The following GALNT13 variants were observed in gnomAD, a reference collection of about 807,000 sequenced individuals.
GALNT13 encodes UDP-GalNAc:polypeptide N-acetylgalactosaminyltransferase 13.
GALNT13 carries 28 observed loss-of-function variants against 64.2 expected under a neutral mutation model. The ratio of observed to expected loss-of-function variants is 0.44; its 90% CI spans 0.32 to 0.60. GALNT13 has a LOEUF of 0.60. Ranked by LOEUF, GALNT13 falls within the 20% of genes least tolerant of loss-of-function variation. GALNT13 has a pLI of 0.05. For missense variants in GALNT13, 577 were observed against 669.8 expected (o/e 0.86, Z 1.53); for synonymous variants, 214 against 224.6 (o/e 0.95, Z 0.42).
rs1394736595 is a variant in GALNT13, at chr2:154,062,850, A to C, written c.143-77487A>C. Among the ~76,000 whole-genome samples, 5 of 68,316 alleles carry C rather than the reference A, an allele frequency of 7.3e-5. No individual in the cohort carries two copies. The East Asian group carries it at 7.9e-3, about 108-fold the overall frequency. The allele number at this position is 68,316 out of a possible 152,430, so 44.8% of individuals were successfully genotyped here. ...TTCAGGATATTTAATTCAACATGGA[A>C]TGTTTTTTTTTTCATTTTTTGGCTT... On this transcript the variant is annotated intron_variant, in intron 3 of 12. Coordinates refer to ENST00000392825, the MANE Select transcript of GALNT13 (RefSeq NM_052917.4).
At chr2:153,256,106 A>G in the GALNT13 span, among the ~76,000 whole-genome samples, 26 of 152,174 alleles carry the variant, frequency 1.7e-4, no homozygotes, top group African/African-American at 5.8e-4. Flanking sequence ...AGGTACACCA[A>G]TCAGACGTAG....
chr2:154,010,615 T>A (rs1696568827), intron 3 of GALNT13, among the ~76,000 whole-genome samples: 1 of 152,122 alleles, frequency 6.6e-6, no homozygotes. Flanking sequence ...ATGAATTAGG[T>A]TAGAATTCCT....
chr2:153,696,463 A>G, the GALNT13 span, among the ~76,000 whole-genome samples: 6 of 152,302 alleles, frequency 3.9e-5, no homozygotes, highest in East Asian at 1.2e-3. Context: ...TGGGAACAAT[A>G]CATTGTATGC....
the GALNT13 span, chr2:153,762,600 C>G: frequency 6.0e-6 from 1 of 166,292 alleles, no homozygotes; most frequent in Non-Finnish European, 1.3e-5. Context: ...CTTAGTGGTA[C>G]TTTGTTTGAC....
intron 11 of GALNT13, among the ~76,000 whole-genome samples, chr2:154,420,925 T>C (rs1574274504): frequency 6.6e-6 from 1 of 152,296 alleles, no homozygotes; most frequent in East Asian, 1.9e-4. Context: ...ATTGTCTTCA[T>C]CTTACTGCAT....
chr2:154,041,909 A>T (rs1699003785), intron 3 of GALNT13, among the ~76,000 whole-genome samples: 1 of 140,282 alleles, frequency 7.1e-6, no homozygotes, highest in African/African-American at 2.4e-5. Flanking sequence ...CAAAAATAAG[A>T]TTGAACCGAG....
intron 12 of GALNT13, among the ~76,000 whole-genome samples, chr2:154,442,164 TA>T (rs1160040888): frequency 2.6e-5 from 4 of 152,134 alleles, no homozygotes; most frequent in South Asian, 2.1e-4. Flanking sequence ...ATTTTTTTAA[TA>T]GGGGGAAAGG....
chr2:153,689,953 G>A, the GALNT13 span, among the ~76,000 whole-genome samples: 1 of 151,978 alleles, frequency 6.6e-6, no homozygotes, highest in African/African-American at 2.4e-5. Context: ...TAATTAACAT[G>A]TACTGGGCCT....
the GALNT13 span, among the ~76,000 whole-genome samples, chr2:153,833,431 A>G: frequency 1.4e-4 from 22 of 152,286 alleles, no homozygotes; most frequent in African/African-American, 5.1e-4. Context: ...TAGACTTAAT[A>G]AGAACAAAAA....
rs1240196344 is a variant in GALNT13 at position 154,383,830 on chromosome 2, T to C, written c.1157-12161T>C. 2.0e-5 allele frequency among the ~76,000 whole-genome samples: 3 copies of C among 151,822 alleles called. No individual in the cohort carries two copies. The East Asian group carries it at 5.8e-4, about 29-fold the overall frequency. ...ATATCTGAATAAGTCCAAATCACTTTTTAGTAAGTGTAGGTAGTAATTCTA... is the reference window on the plus strand; with the variant it reads ...ATATCTGAATAAGTCCAAATCACTTCTTAGTAAGTGTAGGTAGTAATTCTA... On this transcript the variant is annotated intron_variant, in intron 9 of 12. Transcript: ENST00000392825.
chr2:153,628,967 G>T, the GALNT13 span, among the ~76,000 whole-genome samples: 1 of 151,960 alleles, frequency 6.6e-6, no homozygotes, highest in Non-Finnish European at 1.5e-5. Context: ...CTGTGAATCT[G>T]TCTGGTCCTG....
intron 3 of GALNT13, among the ~76,000 whole-genome samples, chr2:153,993,157 A>G (rs1407594570): frequency 1.3e-5 from 2 of 152,146 alleles, no homozygotes; most frequent in Non-Finnish European, 2.9e-5. Context: ...TTTATAAATC[A>G]CAGAAAATTA....
chr2:154,340,074 T>A (rs1409197441), intron 9 of GALNT13, among the ~76,000 whole-genome samples: 1 of 152,178 alleles, frequency 6.6e-6, no homozygotes, highest in Non-Finnish European at 1.5e-5. Context: ...CACAATGTTG[T>A]ATATGGCTTT....
chr2:154,378,674 C>G (rs1224785429), intron 9 of GALNT13, among the ~76,000 whole-genome samples: 1 of 152,006 alleles, frequency 6.6e-6, no homozygotes, highest in Non-Finnish European at 1.5e-5. Context: ...TCCCGATTCT[C>G]TGGTATCGAC....
the GALNT13 span, among the ~76,000 whole-genome samples, chr2:153,367,468 G>A: frequency 6.6e-6 from 1 of 152,120 alleles, no homozygotes; most frequent in African/African-American, 2.4e-5. Flanking sequence ...GAACTTTGCA[G>A]ATGTGATTAA....
chr2:153,105,266 A>C, the GALNT13 span, among the ~76,000 whole-genome samples: 1 of 152,096 alleles, frequency 6.6e-6, no homozygotes, highest in Non-Finnish European at 1.5e-5. Context: ...AACCAAAGAC[A>C]AAAACCACAT....
the GALNT13 span, among the ~76,000 whole-genome samples, chr2:153,273,112 C>G: frequency 2.6e-5 from 4 of 152,066 alleles, no homozygotes; most frequent in African/African-American, 9.7e-5. Context: ...GGGAACAATA[C>G]ACACCGGGGC....
At chr2:154,208,648 G>GTGTT (rs1553495816) in intron 4 of GALNT13, among the ~76,000 whole-genome samples, 6,782 of 142,058 alleles carry the variant, frequency 0.048, 539 homozygotes, top group African/African-American at 0.16. Context: ...GTGTGTGTGT[G>GTGTT]TGTGTGTGTG....
the GALNT13 span, among the ~76,000 whole-genome samples, chr2:153,538,540 C>G: frequency 3.1e-5 from 2 of 64,138 alleles, no homozygotes; most frequent in Admixed American, 1.8e-4. Flanking sequence ...ATCCCTCCCC[C>G]CTCCCCCCAC....
Sources: allele counts gnomAD v4.1 joint callset (sites outside exome capture counted in the v4.1 genomes callset), GRCh38; gene constraint gnomAD v4.1.1; transcripts MANE v1.5; gene names NCBI Gene and HGNC (gene_info 2026-07-23, HGNC 2026-07-21).